RBFOX1: variants seen among roughly 807,000 people sequenced by gnomAD.
The protein encoded by RBFOX1 is RNA binding protein fox-1 homolog 1.
Under a neutral mutation model 57.7 loss-of-function variants are expected in RBFOX1, and 8 were observed. The ratio of observed to expected loss-of-function variants is 0.14; its 90% CI spans 0.08 to 0.25. RBFOX1 has a LOEUF of 0.25. RBFOX1 is among the 10% of genes least tolerant of loss of function. The pLI, the probability that RBFOX1 is intolerant of heterozygous loss-of-function variation, is 1.00. For missense variants in RBFOX1, 611 were observed against 548.5 expected (o/e 1.11, Z -1.14); for synonymous variants, 326 against 222.4 (o/e 1.47, Z -4.15).
chr16:6,943,385 A>T (rs2078900251), intron 3 of RBFOX1, among the ~76,000 whole-genome samples: 1 of 152,262 alleles, frequency 6.6e-6, no homozygotes, highest in African/African-American at 2.4e-5. Context: ...AGCTTAATAG[A>T]CAGACAAGAC....
intron 1 of RBFOX1, among the ~76,000 whole-genome samples, chr16:6,299,009 G>A (rs778327145): frequency 6.6e-5 from 10 of 152,244 alleles, no homozygotes; most frequent in South Asian, 2.1e-4. Context: ...CCCTTTCCTC[G>A]TGCTATTTCT....
chr16:6,347,443 A>T (rs182438857), intron 2 of RBFOX1, among the ~76,000 whole-genome samples: 1 of 152,192 alleles, frequency 6.6e-6, no homozygotes, highest in East Asian at 1.9e-4. Context: ...TGCTAAACAA[A>T]TGGTTGCATG....
At chr16:5,645,850 C>G (rs1047214626) in intron 3 of RBFOX1, among the ~76,000 whole-genome samples, 1 of 152,056 alleles carries the variant, frequency 6.6e-6, no homozygotes, top group Non-Finnish European at 1.5e-5. Flanking sequence ...AAAAAAATTT[C>G]ATAGACAAAG....
At chr16:6,066,028 G>C (rs1486414945) in intron 1 of RBFOX1, among the ~76,000 whole-genome samples, 7 of 152,216 alleles carry the variant, frequency 4.6e-5, no homozygotes, top group African/African-American at 1.4e-4. Context: ...AGGTATAATT[G>C]CTCATGCCTG....
At chr16:6,132,804 T>C (rs1356593094) in intron 1 of RBFOX1, among the ~76,000 whole-genome samples, 7 of 152,046 alleles carry the variant, frequency 4.6e-5, no homozygotes, top group South Asian at 2.1e-4. Flanking sequence ...CTGGCCAACA[T>C]AGGAAAATCC....
chr16:7,604,651 T>C (rs2095211613), intron 9 of RBFOX1, among the ~76,000 whole-genome samples: 2 of 152,170 alleles, frequency 1.3e-5, no homozygotes, highest in African/African-American at 2.4e-5. Flanking sequence ...GATAGGTGGG[T>C]AGGCAGATGA....
intron 4 of RBFOX1, among the ~76,000 whole-genome samples, chr16:7,205,469 T>C (rs899773834): frequency 6.7e-6 from 1 of 148,466 alleles, no homozygotes; most frequent in African/African-American, 2.5e-5. Flanking sequence ...AGTGAGATCA[T>C]GCCATTGCAC....
chr16:5,973,890 G>C (rs564241800), intron 4 of RBFOX1, among the ~76,000 whole-genome samples: 1 of 152,096 alleles, frequency 6.6e-6, no homozygotes, highest in Non-Finnish European at 1.5e-5. Context: ...ACTTCACTTC[G>C]TAGGGCTCAG....
intron 3 of RBFOX1, among the ~76,000 whole-genome samples, chr16:6,757,399 A>G (rs914197048): frequency 1.3e-5 from 2 of 152,216 alleles, no homozygotes; most frequent in African/African-American, 2.4e-5. Context: ...CAACCTAAGT[A>G]TCCATTAAGA....
Position 6,024,849 on chromosome 16 carries a change from A to G in RBFOX1, c.-127+4857A>G, listed in dbSNP as rs569738890. Among the ~76,000 whole-genome samples the G allele has an allele frequency of 2.0e-5, 3 of 152,342 alleles. No individual in the cohort carries two copies. In the East Asian group the frequency reaches 5.8e-4, roughly 29 times the overall value. Reference sequence around the variant, plus strand: ...AGGCACCCACTGTGTGCCAAGCACTATTGAAAGCACTTCAAGTGCAGAGTG... The same window carrying G: ...AGGCACCCACTGTGTGCCAAGCACTGTTGAAAGCACTTCAAGTGCAGAGTG... On this transcript the variant is annotated intron_variant, in intron 1 of 15. Coordinates refer to ENST00000550418, the MANE Select transcript of RBFOX1 (RefSeq NM_018723.4).
chr16:6,508,090 A>G (rs2096154593), intron 2 of RBFOX1, among the ~76,000 whole-genome samples: 1 of 152,210 alleles, frequency 6.6e-6, no homozygotes, highest in African/African-American at 2.4e-5. Flanking sequence ...GGAGGTCATT[A>G]TCCTTAGCAA....
intron 4 of RBFOX1, among the ~76,000 whole-genome samples, chr16:7,209,796 T>TTGAA (rs1323239455): frequency 6.6e-6 from 1 of 152,166 alleles, no homozygotes; most frequent in African/African-American, 2.4e-5. Context: ...CAGCCAAATG[T>TTGAA]TGAATGAATG....
At chr16:5,904,364 C>CA (rs1188885644) in intron 4 of RBFOX1, among the ~76,000 whole-genome samples, 1 of 152,120 alleles carries the variant, frequency 6.6e-6, no homozygotes, top group Non-Finnish European at 1.5e-5. Flanking sequence ...GAGGCTGCTC[C>CA]ATCACTTGGG....
intron 10 of RBFOX1, among the ~76,000 whole-genome samples, chr16:7,622,316 G>T (rs2059434435): frequency 6.6e-6 from 1 of 152,204 alleles, no homozygotes; most frequent in Non-Finnish European, 1.5e-5. Flanking sequence ...GTCATTAAGA[G>T]TAAATGATGA....
At chr16:6,142,594 A>G (rs1290827319) in intron 1 of RBFOX1, among the ~76,000 whole-genome samples, 1 of 152,184 alleles carries the variant, frequency 6.6e-6, no homozygotes, top group Non-Finnish European at 1.5e-5. Flanking sequence ...CAGGAAGGCA[A>G]TGGCTCTGCC....
intron 3 of RBFOX1, among the ~76,000 whole-genome samples, chr16:5,770,910 G>A (rs1290378942): frequency 6.6e-6 from 1 of 152,174 alleles, no homozygotes; most frequent in Non-Finnish European, 1.5e-5. Context: ...TACTGGGTAA[G>A]CAAGACAGGC....
chr16:5,516,018 T>C (rs2043779063), intron 2 of RBFOX1, among the ~76,000 whole-genome samples: 1 of 152,184 alleles, frequency 6.6e-6, no homozygotes. Flanking sequence ...GCCACAATAT[T>C]GCCTCCCTCT....
chr16:5,638,547 T>C (rs1410591400), intron 3 of RBFOX1, among the ~76,000 whole-genome samples: 1 of 152,108 alleles, frequency 6.6e-6, no homozygotes, highest in Admixed American at 6.5e-5. Flanking sequence ...AGTGGCATCT[T>C]TGGGGCCTAA....
At chr16:6,738,820 A>G (rs1252850714) in intron 3 of RBFOX1, among the ~76,000 whole-genome samples, 1 of 152,168 alleles carries the variant, frequency 6.6e-6, no homozygotes, top group Non-Finnish European at 1.5e-5. Flanking sequence ...CTAGAAATTA[A>G]TTCATAAAGA....
Sources: allele counts gnomAD v4.1 joint callset (sites outside exome capture counted in the v4.1 genomes callset), GRCh38; gene constraint gnomAD v4.1.1; transcripts MANE v1.5; gene names NCBI Gene and HGNC (gene_info 2026-07-23, HGNC 2026-07-21).